SMARCB1: variants seen among roughly 807,000 people sequenced by gnomAD.
SMARCB1 encodes the protein SWI/SNF-related matrix-associated actin-dependent regulator of chromatin subfamily B member 1.
In SMARCB1, 5 loss-of-function variants were observed where a neutral mutation model predicts 49.0. The ratio of observed to expected loss-of-function variants is 0.10; its 90% CI spans 0.05 to 0.21. The LOEUF (loss-of-function observed/expected upper bound fraction) is 0.21. Among genes scored for constraint, SMARCB1 ranks in the 10% least tolerant of loss-of-function variants. The pLI, the probability that SMARCB1 is intolerant of heterozygous loss-of-function variation, is 1.00. For missense variants in SMARCB1, 226 were observed against 509.2 expected, an observed-to-expected ratio of 0.44 and a Z score of 5.35; for synonymous variants, 201 against 200.1, an observed-to-expected ratio of 1.00 and a Z score of -0.04.
intron 6 of SMARCB1, among the ~76,000 whole-genome samples, chr22:23,819,568 C>A (rs554501305): frequency 6.6e-6 from 1 of 152,096 alleles, no homozygotes; most frequent in African/African-American, 2.4e-5. Flanking sequence ...GCCTCAGCCT[C>A]CCAAACTCAA....
At chr22:23,826,176 C>T (rs966567895) in intron 7 of SMARCB1, 2 of 151,248 alleles carry the variant, frequency 1.3e-5, no homozygotes, top group African/African-American at 4.9e-5. Flanking sequence ...CCTAGCACTT[C>T]GCGGAGCTGA....
chr22:23,818,232 A>C (rs974375086), intron 6 of SMARCB1: 2 of 151,352 alleles, frequency 1.3e-5, no homozygotes, highest in African/African-American at 2.4e-5. Context: ...AGCTCACTGC[A>C]AGCTCCGCCT....
intron 7 of SMARCB1, 120 bp from the exon 8 acceptor site, chr22:23,833,452 C>T: frequency 3.6e-6 from 5 of 1,392,076 alleles, no homozygotes; most frequent in African/African-American, 2.8e-5. Context: ...ACTGGAGCAT[C>T]CACTGGGTGC....
intron 5 of SMARCB1, among the ~76,000 whole-genome samples, chr22:23,812,383 TTCTG>T (rs1490974981): frequency 6.6e-6 from 1 of 152,256 alleles, no homozygotes; most frequent in East Asian, 1.9e-4. Context: ...CACTGGAGAA[TTCTG>T]TCTATCAAAT....
intron 7 of SMARCB1, 187 bp downstream of exon 7, chr22:23,825,602 G>C: frequency 1.6e-6 from 1 of 607,040 alleles, no homozygotes; most frequent in Non-Finnish European, 2.9e-6. Context: ...CGCTGTGCCA[G>C]GTAGGGTTAG....
At chr22:23,832,661 G>GA (rs1334538706) in intron 7 of SMARCB1, among the ~76,000 whole-genome samples, 3 of 149,852 alleles carry the variant, frequency 2.0e-5, no homozygotes, top group South Asian at 2.2e-4. Context: ...GCTGCTCTCA[G>GA]AGGTGGGGGT....
chr22:23,817,194 A>T (rs901839820), intron 6 of SMARCB1: 1 of 570,046 alleles, frequency 1.8e-6, no homozygotes, highest in Non-Finnish European at 3.1e-6. Context: ...CAAAGCCCGG[A>T]GGTCTAGAGG....
chr22:23,820,879 T>C (rs2030047346), intron 6 of SMARCB1, among the ~76,000 whole-genome samples: 1 of 152,138 alleles, frequency 6.6e-6, no homozygotes, highest in Admixed American at 6.5e-5. Flanking sequence ...CTTGTAAACA[T>C]GTGGAGGATG....
intron 3 of SMARCB1, among the ~76,000 whole-genome samples, chr22:23,800,236 G>C (rs946916326): frequency 6.6e-5 from 10 of 152,240 alleles, no homozygotes; most frequent in African/African-American, 2.4e-4. Flanking sequence ...AAGCAACCTG[G>C]AATTTGGGAG....
rs1411630193 is a variant in SMARCB1 at position 23,835,813 on chromosome 22, C to T, written c.*1633C>T. 3 of 985,354 alleles carry T rather than the reference C, an allele frequency of 3.0e-6. No individual in the cohort carries two copies. The highest frequency in any genetic ancestry group is 2.4e-6 in the Non-Finnish European group (2 of 829,972). 61.0% of individuals were successfully genotyped at this position (985,354 alleles called of 1,614,324 possible). On this transcript the variant is annotated 3_prime_UTR_variant, in exon 9 of 9. Coordinates refer to ENST00000644036, the MANE Select transcript of SMARCB1 (RefSeq NM_003073.5). ...GGAAGGAACCTTGGCTGCCTCACCC[C>T]ACAGGTCGGGCAGGGCCACCTGGCT... is the stretch of plus-strand genomic sequence containing the variant.
At chr22:23,800,309 G>C (rs2145976931) in intron 3 of SMARCB1, among the ~76,000 whole-genome samples, 1 of 152,354 alleles carries the variant, frequency 6.6e-6, no homozygotes, top group African/African-American at 2.4e-5. Context: ...ACCTCTGGAA[G>C]GTATTTATCA....
intron 6 of SMARCB1, among the ~76,000 whole-genome samples, chr22:23,820,896 T>G: frequency 6.6e-6 from 1 of 150,424 alleles, no homozygotes; most frequent in African/African-American, 2.5e-5. Flanking sequence ...GATGAGGCTG[T>G]GTGGGCTAAC....
chr22:23,804,688 C>T lies in SMARCB1; in HGVS notation c.628+1266C>T, dbSNP rs980524770. Among the ~76,000 whole-genome samples, 8 of 152,228 alleles carry T rather than the reference C, an allele frequency of 5.3e-5. No homozygotes were observed. In the South Asian group the frequency reaches 6.2e-4, roughly 12 times the overall value. Reference sequence around the variant, plus strand: ...CCTCCTGAGTAGCTGGAACTACAGGCGCGTGCCACCATGCCTGGCTAATTT... The same window carrying T: ...CCTCCTGAGTAGCTGGAACTACAGGTGCGTGCCACCATGCCTGGCTAATTT... On this transcript the variant is annotated intron_variant, in intron 5 of 8. Transcript: ENST00000644036.
At chr22:23,833,495 CA>C in intron 7 of SMARCB1, 76 bp from the exon 8 acceptor site, 1 of 1,596,848 alleles carries the variant, frequency 6.3e-7, no homozygotes, top group East Asian at 2.2e-5. Flanking sequence ...AGGGCACAGA[CA>C]GGGGCCAAAG....
chr22:23,813,565 A>G (rs1487259638), intron 5 of SMARCB1, among the ~76,000 whole-genome samples: 2 of 152,254 alleles, frequency 1.3e-5, no homozygotes, highest in Non-Finnish European at 2.9e-5. Context: ...ATACTTAGGT[A>G]TAAATCCAAC....
At chr22:23,814,425 G>A (rs1828611187) in intron 5 of SMARCB1, among the ~76,000 whole-genome samples, 2 of 152,312 alleles carry the variant, frequency 1.3e-5, no homozygotes, top group South Asian at 4.1e-4. Flanking sequence ...TAGCACTTCG[G>A]GAGGCTGAGG....
intron 2 of SMARCB1, chr22:23,792,402 T>C (rs1383608708): frequency 3.3e-6 from 1 of 301,742 alleles, no homozygotes; most frequent in Non-Finnish European, 6.5e-6. Flanking sequence ...GCCTGGGGCT[T>C]GCTAGGTACA....
chr22:23,790,585 G>A (rs923064549), intron 1 of SMARCB1, among the ~76,000 whole-genome samples: 1 of 151,260 alleles, frequency 6.6e-6, no homozygotes, highest in Non-Finnish European at 1.5e-5. Flanking sequence ...GCTCACACCC[G>A]TAATCCCAGC....
chr22:23,836,723 G>A lies in SMARCB1; in HGVS notation c.*2543G>A, dbSNP rs1208303005. The A allele has an allele frequency of 3.7e-6, 5 of 1,358,066 alleles. No homozygotes were observed. Among genetic ancestry groups the A allele is most frequent in the Middle Eastern group, 2.7e-4 (1 of 3,714 alleles). 84.1% of individuals were successfully genotyped at this position (1,358,066 alleles called of 1,614,324 possible). A position where few individuals can be genotyped will look rare whatever the true frequency, so the allele number is the denominator to read the frequency against. On this transcript the variant is annotated 3_prime_UTR_variant, in exon 9 of 9. Transcript: ENST00000644036. Reference sequence around the variant, plus strand: ...GTGAGATGGGGAAGCCAGTGCTGTGGGCCAAGAGACTGCAGCTCATTCTGT... The same window carrying A: ...GTGAGATGGGGAAGCCAGTGCTGTGAGCCAAGAGACTGCAGCTCATTCTGT...
Sources: allele counts gnomAD v4.1 joint callset (sites outside exome capture counted in the v4.1 genomes callset), GRCh38; gene constraint gnomAD v4.1.1; transcripts MANE v1.5; gene names NCBI Gene and HGNC (gene_info 2026-07-23, HGNC 2026-07-21).